Variants in UPP2 observed in about 807,000 individuals in gnomAD.
UPP2 encodes the protein uridine phosphorylase 2, also known as UPase 2.
UPP2 carries 23 observed loss-of-function variants against 26.7 expected under a neutral mutation model. That is an observed-to-expected ratio of 0.86 (90% CI 0.62 to 1.22). UPP2 has a LOEUF of 1.22. Ranked by LOEUF, UPP2 falls within the 50% of genes most tolerant of loss-of-function variation. The pLI is 0.00. For missense variants in UPP2, 387 were observed against 396.7 expected, an observed-to-expected ratio of 0.98 and a Z score of 0.21; for synonymous variants, 127 against 141.3, an observed-to-expected ratio of 0.90 and a Z score of 0.72.
chr2:158,021,189 A>G (rs1163984807), intron 3 of UPP2, among the ~76,000 whole-genome samples: 4 of 152,240 alleles, frequency 2.6e-5, no homozygotes, highest in Non-Finnish European at 5.9e-5. Flanking sequence ...GTCTCCATGC[A>G]GTAATATGGG....
At chr2:158,112,624 T>C (rs545456281) in intron 2 of UPP2, among the ~76,000 whole-genome samples, 19 of 151,948 alleles carry the variant, frequency 1.3e-4, no homozygotes, top group Middle Eastern at 6.8e-3. Context: ...AAAAAGGAAG[T>C]TATCTATTCA....
intron 4 of UPP2, among the ~76,000 whole-genome samples, chr2:158,119,300 G>A (rs543807577): frequency 3.3e-5 from 5 of 152,172 alleles, no homozygotes; most frequent in East Asian, 3.9e-4. Flanking sequence ...ATGGCAACAC[G>A]ATACATATAG....
At chr2:158,001,494 A>G (rs1037605830) in intron 2 of UPP2, among the ~76,000 whole-genome samples, 1 of 152,080 alleles carries the variant, frequency 6.6e-6, no homozygotes, top group Non-Finnish European at 1.5e-5. Context: ...CTGATCTCCA[A>G]TGCTCCCCAT....
chr2:158,127,381 G>A (rs1479291567), intron 6 of UPP2, among the ~76,000 whole-genome samples: 1 of 151,796 alleles, frequency 6.6e-6, no homozygotes, highest in Non-Finnish European at 1.5e-5. Flanking sequence ...CAGGGACCTT[G>A]TTTGTCATTG....
intron 6 of UPP2, chr2:158,134,093 TATAAG>T (rs1683880319): frequency 6.6e-6 from 1 of 152,252 alleles, no homozygotes; most frequent in Non-Finnish European, 1.5e-5. Context: ...TCCAGTTTCC[TATAAG>T]ATTTCATTCT....
At chr2:158,012,169 T>C (rs952431681) in intron 2 of UPP2, among the ~76,000 whole-genome samples, 3 of 152,030 alleles carry the variant, frequency 2.0e-5, no homozygotes, top group Non-Finnish European at 4.4e-5. Context: ...AAGAGTTTGA[T>C]TGCTAATCAC....
In UPP2 at chr2:158,071,035, T is replaced by C. The variant is rs1682531179; in HGVS notation, c.148-31005T>C. Among the ~76,000 whole-genome samples the C allele has an allele frequency of 2.0e-5, 3 of 152,158 alleles. No individual in the cohort carries two copies. In the South Asian group the frequency reaches 6.2e-4, roughly 32 times the overall value. On this transcript the variant is annotated intron_variant, in intron 3 of 9. Coordinates refer to the UPP2 transcript ENST00000605860. ...TCCCAGTGGTTGGGACTTGAGTTTC[T>C]CTGCAAGCCTCATCACCAAGGGCTA... is the stretch of plus-strand genomic sequence containing the variant.
At chr2:158,067,387 AG>A (rs1682455217) in intron 3 of UPP2, among the ~76,000 whole-genome samples, 1 of 147,888 alleles carries the variant, frequency 6.8e-6, no homozygotes, top group South Asian at 2.1e-4. Context: ...AAAAAAAAAG[AG>A]AGAGAGAGAA....
chr2:158,044,873 T>C (rs958865239), intron 3 of UPP2, among the ~76,000 whole-genome samples: 7 of 152,208 alleles, frequency 4.6e-5, no homozygotes, highest in Admixed American at 1.3e-4. Context: ...CTCCGCTCCA[T>C]GTGTCTGAAC....
intron 3 of UPP2, among the ~76,000 whole-genome samples, chr2:158,059,292 C>T (rs1682312791): frequency 6.6e-6 from 1 of 152,198 alleles, no homozygotes; most frequent in Non-Finnish European, 1.5e-5. Flanking sequence ...ATGAACTTGA[C>T]CATCAGGTAA....
intron 3 of UPP2, among the ~76,000 whole-genome samples, chr2:158,060,964 T>C (rs1682343264): frequency 6.6e-6 from 1 of 152,234 alleles, no homozygotes; most frequent in African/African-American, 2.4e-5. Flanking sequence ...CCTGGATGAC[T>C]AATATAGTTT....
chr2:158,036,927 G>A (rs1368474458), intron 3 of UPP2, among the ~76,000 whole-genome samples: 1 of 152,152 alleles, frequency 6.6e-6, no homozygotes, highest in Non-Finnish European at 1.5e-5. Flanking sequence ...TTAAAAGAAA[G>A]TGACACATCT....
chr2:158,074,125 C>A (rs1682587969), intron 3 of UPP2, among the ~76,000 whole-genome samples: 1 of 152,088 alleles, frequency 6.6e-6, no homozygotes, highest in Non-Finnish European at 1.5e-5. Context: ...TTCAGTGAGC[C>A]AAGATTGTGC....
At chr2:157,995,886 G>GC (rs1683317852) in intron 2 of UPP2, among the ~76,000 whole-genome samples, 1 of 151,152 alleles carries the variant, frequency 6.6e-6, no homozygotes, top group African/African-American at 2.4e-5. Context: ...GTCCATTGTT[G>GC]TAAAAAAATC....
intron 3 of UPP2, among the ~76,000 whole-genome samples, chr2:158,027,970 C>T (rs780106131): frequency 3.9e-5 from 6 of 152,180 alleles, no homozygotes; most frequent in Non-Finnish European, 7.3e-5. Context: ...CTGGGCTGCA[C>T]ACAGCACTGG....
intron 3 of UPP2, among the ~76,000 whole-genome samples, chr2:158,081,543 A>G (rs985126281): frequency 6.6e-6 from 1 of 152,202 alleles, no homozygotes; most frequent in Non-Finnish European, 1.5e-5. Flanking sequence ...ACTGTTCATA[A>G]TAGCCAAGAT....
chr2:158,106,090 T>G lies in UPP2; in HGVS notation c.63-9T>G, dbSNP rs749792110. The G allele has an allele frequency of 1.7e-5, 27 of 1,565,134 alleles. No individual in the cohort carries two copies. The highest frequency in any genetic ancestry group is 2.2e-5 in the Non-Finnish European group (25 of 1,158,264). ...TTTTATATCTTCTTTGTATAATTTT[T>G]TTTTCCAGAAAAAGGTTTGTTCACG... is the stretch of plus-strand genomic sequence containing the variant. On this transcript the variant is annotated splice_polypyrimidine_tract_variant and intron_variant, in intron 1 of 6. Coordinates refer to ENST00000005756, the MANE Select transcript of UPP2 (RefSeq NM_173355.4).
intron 3 of UPP2, among the ~76,000 whole-genome samples, chr2:158,092,968 T>C (rs1346473665): frequency 6.6e-6 from 1 of 152,176 alleles, no homozygotes; most frequent in Non-Finnish European, 1.5e-5. Context: ...CCACCCAGGC[T>C]GGAGTGCAGT....
intron 3 of UPP2, among the ~76,000 whole-genome samples, chr2:158,081,950 A>C (rs929942475): frequency 2.0e-5 from 3 of 150,862 alleles, no homozygotes; most frequent in African/African-American, 7.3e-5. Context: ...GGTTACATGA[A>C]TAATTTTTTT....
Sources: allele counts gnomAD v4.1 joint callset (sites outside exome capture counted in the v4.1 genomes callset), GRCh38; gene constraint gnomAD v4.1.1; transcripts MANE v1.5; gene names NCBI Gene and HGNC (gene_info 2026-07-23, HGNC 2026-07-21).